The following MREG variants were observed in gnomAD, a reference collection of about 807,000 sequenced individuals.
The protein encoded by MREG is melanoregulin.
A neutral mutation model predicts 28.5 loss-of-function variants in MREG; 31 were observed. The ratio of observed to expected loss-of-function variants is 1.09; its 90% CI spans 0.82 to 1.47. The LOEUF (loss-of-function observed/expected upper bound fraction) is 1.47, where lower values mean the gene tolerates loss of function less well. Among genes scored for constraint, MREG ranks in the 40% most tolerant of loss-of-function variants. The pLI, the probability that MREG is intolerant of heterozygous loss-of-function variation, is 0.00. For synonymous variants in MREG, 106 were observed against 95.2 expected (o/e 1.11, Z -0.66); for missense variants, 256 against 257.4 (o/e 0.99, Z 0.04).
chr2:215,939,852 A>G (rs1465733192), downstream of MREG, among the ~76,000 whole-genome samples: 2 of 152,252 alleles, frequency 1.3e-5, no homozygotes, highest in East Asian at 1.9e-4. Flanking sequence ...ACACATATGC[A>G]TAATTCACAC....
chr2:216,014,376 C>A (rs1183708363), upstream of MREG, among the ~76,000 whole-genome samples: 1 of 152,102 alleles, frequency 6.6e-6, no homozygotes, highest in Non-Finnish European at 1.5e-5. Context: ...ATAGGCCGGG[C>A]GCGGTAGCTC....
At chr2:216,021,224 T>G (rs1289932601) in intron 1 of MREG, among the ~76,000 whole-genome samples, 1 of 152,138 alleles carries the variant, frequency 6.6e-6, no homozygotes, top group Non-Finnish European at 1.5e-5. Context: ...CTCGGCTCAT[T>G]GCAACCTCCA....
Position 215,978,196 on chromosome 2 carries a change from G to A in MREG, c.255+18110C>T, listed in dbSNP as rs538908381. On this transcript the variant is annotated intron_variant, in intron 2 of 4. Coordinates refer to ENST00000263268, the MANE Select transcript of MREG (RefSeq NM_018000.3). ...ATAGATGCAATAAAAAATGATAAAG[G>A]GGATATCACCACCGATCCCACAGAA... Among the ~76,000 whole-genome samples the A allele has an allele frequency of 2.0e-5, 3 of 152,066 alleles. No individual in the cohort carries two copies. The South Asian group carries it at 6.2e-4, about 32-fold the overall frequency.
At position 215,942,765 on chromosome 2, in the gene MREG, A is replaced by G. The variant is rs1692215717; in HGVS notation, c.*2098T>C. On this transcript the variant is annotated 3_prime_UTR_variant, in exon 5 of 5. Coordinates refer to ENST00000263268, the MANE Select transcript of MREG (RefSeq NM_018000.3). ...CATAAAAAAGGCAGAAAGGCAAAATACAAATTCTGAGACCGAGAGTAAAAC... is the reference window on the plus strand; with the variant it reads ...CATAAAAAAGGCAGAAAGGCAAAATGCAAATTCTGAGACCGAGAGTAAAAC... The G allele has an allele frequency of 6.5e-6, 1 of 152,680 alleles. No homozygotes were observed. Among genetic ancestry groups the G allele is most frequent in the African/African-American group, 2.4e-5 (1 of 41,464 alleles). The allele number at this position is 152,680 out of a possible 1,614,324, so 9.5% of individuals were successfully genotyped here. A position where few individuals can be genotyped will look rare whatever the true frequency, so the allele number is the denominator to read the frequency against.
At chr2:215,955,263 A>G (rs1692591760) in intron 2 of MREG, among the ~76,000 whole-genome samples, 1 of 152,214 alleles carries the variant, frequency 6.6e-6, no homozygotes, top group African/African-American at 2.4e-5. Flanking sequence ...TAATAAACAT[A>G]TTTGTTTTGT....
At chr2:215,990,470 T>G (rs531482726) in intron 2 of MREG, among the ~76,000 whole-genome samples, 5 of 152,282 alleles carry the variant, frequency 3.3e-5, no homozygotes, top group Admixed American at 6.5e-5. Flanking sequence ...ATCGACACTA[T>G]GAAGAAACTG....
At chr2:216,018,214 G>A (rs1466860114), upstream of MREG, among the ~76,000 whole-genome samples, 2 of 152,066 alleles carry the variant, frequency 1.3e-5, no homozygotes, top group Admixed American at 1.3e-4. Context: ...CCACCAAAAA[G>A]TTGTGCTTAG....
chr2:216,020,204 A>T (rs1429615643), intron 1 of MREG, among the ~76,000 whole-genome samples: 1 of 152,018 alleles, frequency 6.6e-6, no homozygotes, highest in Non-Finnish European at 1.5e-5. Flanking sequence ...TCTTCTAATT[A>T]TTAAGGACAA....
chr2:216,008,986 C>G (rs1004271547), intron 1 of MREG, among the ~76,000 whole-genome samples: 2 of 152,160 alleles, frequency 1.3e-5, no homozygotes, highest in African/African-American at 4.8e-5. Context: ...CACCATAGCC[C>G]TATGAAGCAC....
intron 2 of MREG, among the ~76,000 whole-genome samples, chr2:215,983,356 C>T (rs188470410): frequency 2.6e-5 from 4 of 152,322 alleles, no homozygotes; most frequent in Admixed American, 2.0e-4. Context: ...GGCTGGTCCA[C>T]GATCAGTTCA....
chr2:215,975,856 C>T (rs964306391), intron 2 of MREG, among the ~76,000 whole-genome samples: 1 of 152,070 alleles, frequency 6.6e-6, no homozygotes, highest in Non-Finnish European at 1.5e-5. Context: ...GAGGTTGAGG[C>T]GGGCAGATTG....
intron 1 of MREG, among the ~76,000 whole-genome samples, chr2:216,022,958 T>C (rs1393080106): frequency 6.6e-6 from 1 of 152,242 alleles, no homozygotes; most frequent in Non-Finnish European, 1.5e-5. Flanking sequence ...ACCGGAGGCT[T>C]GCCTCAACTT....
At chr2:216,013,097 G>A in intron 1 of MREG, 136 bp downstream of exon 1, 1 of 693,840 alleles carries the variant, frequency 1.4e-6, no homozygotes, top group South Asian at 1.8e-5. Context: ...AGGAACCAAG[G>A]GGCTGAGATG....
At chr2:215,985,129 AT>A (rs1429323766) in intron 2 of MREG, among the ~76,000 whole-genome samples, 1 of 152,224 alleles carries the variant, frequency 6.6e-6, no homozygotes, top group Non-Finnish European at 1.5e-5. Flanking sequence ...CACAGTTAAC[AT>A]ATGCAAAGTG....
At chr2:216,010,354 CTTTTTTTTTTTT>C (rs1164326774) in intron 1 of MREG, among the ~76,000 whole-genome samples, 1 of 94,370 alleles carries the variant, frequency 1.1e-5, no homozygotes, top group Non-Finnish European at 2.0e-5. Flanking sequence ...AAAGATTTCT[CTTTTTTTTTTTT>C]TTTTTTTTTG....
At chr2:215,985,534 T>C (rs1693544913) in intron 2 of MREG, among the ~76,000 whole-genome samples, 1 of 152,254 alleles carries the variant, frequency 6.6e-6, no homozygotes, top group Non-Finnish European at 1.5e-5. Flanking sequence ...TGTTGTTTTG[T>C]ATTTTTTTGA....
Position 215,944,915 on chromosome 2 carries a change from C to T in MREG, c.593G>A (p.Cys198Tyr). The T allele has an allele frequency of 6.2e-7, 1 of 1,608,614 alleles. No individual in the cohort carries two copies. The highest frequency in any genetic ancestry group is 8.5e-7 in the Non-Finnish European group (1 of 1,175,524). ...RTYPKKPGVP[C>Y]LADGQKELHY... ...CAGTTCTTTCTGGCCATCTGCCAGG[C>T]ATGGAACCCCAGGCTTCTTGGGGTA... is the stretch of plus-strand genomic sequence containing the variant. The change falls in exon 5 of 5, where the codon TGC becomes TAC. Residue 198 changes from cysteine (C) to tyrosine (Y), a missense_variant. Cys to Tyr is a radical substitution (Grantham distance 194). Coordinates refer to ENST00000263268, the MANE Select transcript of MREG (RefSeq NM_018000.3).
intron 1 of MREG, among the ~76,000 whole-genome samples, chr2:216,010,354 C>CTTTTTTTTTTTTTTTT (rs1164326774): frequency 2.1e-5 from 2 of 94,370 alleles, no homozygotes; most frequent in African/African-American, 4.2e-5. Flanking sequence ...AAAGATTTCT[C>CTTTTTTTTTTTTTTTT]TTTTTTTTTT....
chr2:216,008,056 C>T (rs1002205115), intron 1 of MREG, among the ~76,000 whole-genome samples: 3 of 152,022 alleles, frequency 2.0e-5, no homozygotes, highest in Non-Finnish European at 2.9e-5. Context: ...AGTGTTCAAG[C>T]GACTTTACAG....
Sources: allele counts gnomAD v4.1 joint callset (sites outside exome capture counted in the v4.1 genomes callset), GRCh38; gene constraint gnomAD v4.1.1; transcripts MANE v1.5; gene names NCBI Gene and HGNC (gene_info 2026-07-23, HGNC 2026-07-21).